PRKCB: variants seen among roughly 807,000 people sequenced by gnomAD.
The protein encoded by PRKCB is protein kinase C beta type.
In PRKCB, 13 loss-of-function variants were observed where a neutral mutation model predicts 81.5. The ratio of observed to expected loss-of-function variants is 0.16; its 90% CI spans 0.10 to 0.25. The LOEUF (loss-of-function observed/expected upper bound fraction) is 0.25. Ranked by LOEUF, PRKCB falls within the 10% of genes least tolerant of loss-of-function variation. The pLI is 1.00. For missense variants in PRKCB, 509 were observed against 875.7 expected (o/e 0.58, Z 5.29); for synonymous variants, 335 against 321.4 (o/e 1.04, Z -0.45).
Position 24,215,151 on chromosome 16 carries a change from A to C in PRKCB, c.*335A>C. 2 of 1,057,124 alleles carry C rather than the reference A, an allele frequency of 1.9e-6. No individual in the cohort carries two copies. Among genetic ancestry groups the C allele is most frequent in the Non-Finnish European group, 1.1e-6 (1 of 872,628 alleles). The allele number at this position is 1,057,124 out of a possible 1,614,324, so 65.5% of individuals were successfully genotyped here. A position where few individuals can be genotyped will look rare whatever the true frequency, so the allele number is the denominator to read the frequency against. On this transcript the variant is annotated 3_prime_UTR_variant, in exon 17 of 17. Transcript: ENST00000643927. Reference sequence around the variant, plus strand: ...CCTCTTTTTCTGCACTGCCATATTCACCCCCAACCATCCAATCTGTGGATA... The same window carrying C: ...CCTCTTTTTCTGCACTGCCATATTCCCCCCCAACCATCCAATCTGTGGATA...
In PRKCB at chr16:24,214,645, T is replaced by TC. The variant is rs775120522; in HGVS notation, c.1864-9dup. 1.2e-6 allele frequency: 2 copies of TC among 1,607,204 alleles called. No homozygotes were observed. Among genetic ancestry groups the TC allele is most frequent in the African/African-American group, 2.7e-5 (2 of 74,566 alleles). On this transcript the variant is annotated splice_polypyrimidine_tract_variant and intron_variant, in intron 16 of 16. Coordinates refer to ENST00000643927, the MANE Select transcript of PRKCB (RefSeq NM_002738.7). Reference sequence around the variant, plus strand: ...TCCCACCCACCACAAGTTCTTTTCTTCCCCTCTCATAGTGTGGGCGAAATG... The same window carrying TC: ...TCCCACCCACCACAAGTTCTTTTCTTCCCCCTCTCATAGTGTGGGCGAAATG...
rs757085223 is a variant in PRKCB, at chr16:23,836,186, C to T, written c.11C>T (p.Pro4Leu). The T allele has an allele frequency of 3.2e-6, 5 of 1,564,564 alleles. No homozygotes were observed. The highest frequency in any genetic ancestry group is 1.4e-5 in the African/African-American group (1 of 70,230). MAD[P>L]AAGPPPSEGE... Reference sequence around the variant, plus strand: ...CTCCCCGCGCGCAAGATGGCTGACCCGGCTGCGGGGCCGCCGCCGAGCGAG... The same window carrying T: ...CTCCCCGCGCGCAAGATGGCTGACCTGGCTGCGGGGCCGCCGCCGAGCGAG... Residue 4 changes from proline to leucine, a missense_variant, in exon 1 of 17, where the codon CCG (proline) becomes CTG (leucine). Around this residue, in one of 6 missense-constraint regions of PRKCB, gnomAD observed 33 missense variants for 21.9 expected, o/e 1.50. Coordinates refer to ENST00000643927, the MANE Select transcript of PRKCB (RefSeq NM_002738.7).
chr16:24,161,095 A>G (rs1463024727), intron 10 of PRKCB, among the ~76,000 whole-genome samples: 1 of 152,220 alleles, frequency 6.6e-6, no homozygotes, highest in East Asian at 1.9e-4. Context: ...TTAAAGATAA[A>G]AGATTCTTAA....
chr16:23,900,242 T>G (rs1963449084), intron 2 of PRKCB, among the ~76,000 whole-genome samples: 1 of 152,180 alleles, frequency 6.6e-6, no homozygotes, highest in Non-Finnish European at 1.5e-5. Context: ...TAACTGCTTA[T>G]GACATACCAC....
intron 2 of PRKCB, among the ~76,000 whole-genome samples, chr16:23,982,132 CCCTTT>C (rs1162358670): frequency 0.011 from 248 of 23,432 alleles, 5 homozygotes; most frequent in South Asian, 0.013. Flanking sequence ...CCCTTCCCTT[CCCTTT>C]CCCTTCCCTT....
In PRKCB at chr16:23,990,433, G is replaced by A. The variant is rs533147356; in HGVS notation, c.288+1843G>A. Among the ~76,000 whole-genome samples, 3 of 151,596 alleles carry A rather than the reference G, an allele frequency of 2.0e-5. No homozygotes were observed. The East Asian group carries it at 5.8e-4, about 29-fold the overall frequency. ...AGATCGCACCACTGCACTCCAGCCT[G>A]GGCGACAGAGTGAGACTCTGTCTCG... On this transcript the variant is annotated intron_variant, in intron 3 of 16. Coordinates refer to ENST00000643927, the MANE Select transcript of PRKCB (RefSeq NM_002738.7).
intron 3 of PRKCB, among the ~76,000 whole-genome samples, chr16:24,017,648 A>C (rs988191126): frequency 2.0e-5 from 3 of 152,240 alleles, no homozygotes; most frequent in Non-Finnish European, 2.9e-5. Flanking sequence ...ACACAGGAAA[A>C]TTTGTTACAA....
intron 7 of PRKCB, among the ~76,000 whole-genome samples, chr16:24,108,866 G>A (rs1222489810): frequency 2.6e-5 from 4 of 152,062 alleles, no homozygotes; most frequent in African/African-American, 7.2e-5. Flanking sequence ...TGAGCTGTTG[G>A]GCACACCTCC....
intron 2 of PRKCB, among the ~76,000 whole-genome samples, chr16:23,911,286 C>T (rs908191713): frequency 2.6e-5 from 4 of 151,762 alleles, no homozygotes; most frequent in African/African-American, 9.7e-5. Context: ...TGCCACTATG[C>T]CCAACTGATT....
intron 10 of PRKCB, among the ~76,000 whole-genome samples, chr16:24,156,371 C>T (rs1967156878): frequency 6.6e-6 from 1 of 151,960 alleles, no homozygotes; most frequent in African/African-American, 2.4e-5. Context: ...ATCTCCCATG[C>T]TCAAGTGATC....
At chr16:23,930,895 C>T (rs895184983) in intron 2 of PRKCB, among the ~76,000 whole-genome samples, 3 of 150,370 alleles carry the variant, frequency 2.0e-5, no homozygotes, top group Non-Finnish European at 3.0e-5. Flanking sequence ...TAAATATCAT[C>T]GATGAGGAAC....
intron 16 of PRKCB, among the ~76,000 whole-genome samples, chr16:24,194,388 ATATATC>A: frequency 6.6e-6 from 1 of 152,178 alleles, no homozygotes; most frequent in African/African-American, 2.4e-5. Flanking sequence ...AATTTCTTTT[ATATATC>A]AGAACAAATT....
Position 24,168,541 on chromosome 16 carries a change from C to CTTTTTTTTTTTTTTTTTTTT in PRKCB, c.1240-3719_1240-3700dup, listed in dbSNP as rs56671761. 2.4e-4 allele frequency among the ~76,000 whole-genome samples: 18 copies of CTTTTTTTTTTTTTTTTTTTT among 76,328 alleles called. 5 individuals carry two copies. Among genetic ancestry groups the CTTTTTTTTTTTTTTTTTTTT allele is most frequent in the Non-Finnish European group, 3.8e-4 (13 of 33,876 alleles). 50.1% of individuals were successfully genotyped at this position (76,328 alleles called of 152,430 possible). Reference sequence around the variant, plus strand: ...TTCATTATTTTTCTTTCTTCTTCTACTTTTTTTTTTTTTTTTTTTTTTTTT... The same window carrying CTTTTTTTTTTTTTTTTTTTT: ...TTCATTATTTTTCTTTCTTCTTCTACTTTTTTTTTTTTTTTTTTTTTTTTTTTTTTTTTTTTTTTTTTTTT... On this transcript the variant is annotated intron_variant, in intron 10 of 16. Coordinates refer to ENST00000643927, the MANE Select transcript of PRKCB (RefSeq NM_002738.7).
At chr16:23,983,065 A>G (rs1964758889) in intron 2 of PRKCB, among the ~76,000 whole-genome samples, 1 of 151,624 alleles carries the variant, frequency 6.6e-6, no homozygotes, top group East Asian at 1.9e-4. Flanking sequence ...GTTTGAAAGT[A>G]GGGTCTAGTA....
chr16:24,150,037 A>G (rs1236064026), intron 9 of PRKCB, among the ~76,000 whole-genome samples: 2 of 152,150 alleles, frequency 1.3e-5, no homozygotes, highest in African/African-American at 2.4e-5. Flanking sequence ...GTGGTAGAAA[A>G]GGACCACGCT....
At chr16:23,895,310 G>A (rs1053295885) in intron 2 of PRKCB, among the ~76,000 whole-genome samples, 5 of 151,828 alleles carry the variant, frequency 3.3e-5, no homozygotes, top group Non-Finnish European at 5.9e-5. Flanking sequence ...TTGCCAGAGT[G>A]TCACTGTTTT....
At chr16:24,205,238 G>GT (rs1392405940) in intron 16 of PRKCB, among the ~76,000 whole-genome samples, 1 of 143,776 alleles carries the variant, frequency 7.0e-6, no homozygotes, top group Non-Finnish European at 1.5e-5. Flanking sequence ...GCAGCCTCCA[G>GT]TTCCTGGGCT....
At chr16:24,120,635 AT>A (rs745706421) in intron 8 of PRKCB, among the ~76,000 whole-genome samples, 3 of 151,804 alleles carry the variant, frequency 2.0e-5, no homozygotes, top group Non-Finnish European at 2.9e-5. Flanking sequence ...TTCATCTCCA[AT>A]CTCCCTTCTC....
intron 3 of PRKCB, among the ~76,000 whole-genome samples, chr16:23,997,681 T>C (rs954451939): frequency 9.2e-5 from 14 of 152,234 alleles, no homozygotes; most frequent in Admixed American, 8.5e-4. Context: ...TATATCAGTA[T>C]TTTTATGTCT....
Sources: gnomAD v4.1 joint callset for allele counts (sites outside exome capture counted in the v4.1 genomes callset) on GRCh38, gnomAD v4.1.1 for gene constraint, gnomAD v4.1.1 regional missense constraint, MANE v1.5 for transcripts, NCBI Gene and HGNC (gene_info 2026-07-23, HGNC 2026-07-21) for gene names.